LARGE1: variants seen among roughly 807,000 people sequenced by gnomAD.
LARGE1 encodes xylosyl- and glucuronyltransferase LARGE1.
A neutral mutation model predicts 87.6 loss-of-function variants in LARGE1; 43 were observed. The observed-to-expected ratio is 0.49, with a 90% CI of 0.38 to 0.63. LARGE1 has a LOEUF of 0.63. LARGE1 is among the 30% of genes least tolerant of loss of function. The pLI is 0.00. For missense variants in LARGE1, 802 were observed against 1,000.2 expected (o/e 0.80, Z 2.67); for synonymous variants, 434 against 394.6 (o/e 1.10, Z -1.18).
intron 1 of LARGE1, among the ~76,000 whole-genome samples, chr22:33,843,571 A>T (rs16993156): frequency 0.17 from 26,046 of 151,960 alleles, 2,917 homozygotes; most frequent in East Asian, 0.41. Context: ...AACCGCACTC[A>T]AACCCTCTAG....
chr22:33,451,468 A>G (rs949164967), intron 6 of LARGE1, among the ~76,000 whole-genome samples: 1 of 151,920 alleles, frequency 6.6e-6, no homozygotes, highest in African/African-American at 2.4e-5. Context: ...CCCGAGCAGT[A>G]GACACTGTAC....
chr22:33,699,681 A>C (rs879832636), intron 2 of LARGE1, among the ~76,000 whole-genome samples: 10 of 152,232 alleles, frequency 6.6e-5, no homozygotes, highest in Non-Finnish European at 1.0e-4. Flanking sequence ...GCATAGCAAT[A>C]AAATATGACA....
intron 11 of LARGE1, among the ~76,000 whole-genome samples, chr22:33,184,366 A>G (rs1023795476): frequency 3.3e-5 from 5 of 151,116 alleles, no homozygotes; most frequent in Non-Finnish European, 1.5e-5. Flanking sequence ...AAGAAATCAC[A>G]AGAGAATAAA....
At chr22:33,702,164 C>T (rs527593781) in intron 2 of LARGE1, among the ~76,000 whole-genome samples, 6 of 152,294 alleles carry the variant, frequency 3.9e-5, no homozygotes, top group Admixed American at 6.5e-5. Flanking sequence ...ACATAATAAC[C>T]GCTTAATAAA....
intron 2 of LARGE1, among the ~76,000 whole-genome samples, chr22:33,701,880 G>A (rs906935322): frequency 6.6e-6 from 1 of 152,194 alleles, no homozygotes; most frequent in Non-Finnish European, 1.5e-5. Context: ...AAAGGGGAGG[G>A]CACAATGAAG....
chr22:33,746,247 A>G (rs7286692), intron 2 of LARGE1, among the ~76,000 whole-genome samples: 6,473 of 152,300 alleles, frequency 0.043, 390 homozygotes, highest in African/African-American at 0.14. Flanking sequence ...GTCTCAAAAC[A>G]AAATAAGAAT....
At chr22:33,193,396 A>T (rs1159186745) in intron 11 of LARGE1, among the ~76,000 whole-genome samples, 1 of 152,232 alleles carries the variant, frequency 6.6e-6, no homozygotes, top group African/African-American at 2.4e-5. Flanking sequence ...AAATAGGAAC[A>T]TCACAGCAAA....
intron 6 of LARGE1, among the ~76,000 whole-genome samples, chr22:33,456,164 C>G (rs1319509574): frequency 2.0e-5 from 3 of 152,214 alleles, no homozygotes; most frequent in Non-Finnish European, 4.4e-5. Flanking sequence ...TGGACCTCCA[C>G]TCTTGCAAAA....
intron 5 of LARGE1, among the ~76,000 whole-genome samples, chr22:33,598,193 C>T (rs566839130): frequency 1.3e-5 from 2 of 152,250 alleles, no homozygotes; most frequent in South Asian, 2.1e-4. Context: ...TGGAGTCAGA[C>T]AGTTCTGGAT....
chr22:33,452,377 A>AT (rs1404932867), intron 6 of LARGE1, among the ~76,000 whole-genome samples: 1 of 152,156 alleles, frequency 6.6e-6, no homozygotes, highest in Non-Finnish European at 1.5e-5. Flanking sequence ...GAGAAAGGCC[A>AT]TTTCCCCTGC....
intron 6 of LARGE1, among the ~76,000 whole-genome samples, chr22:33,545,482 C>T (rs949624509): frequency 1.3e-5 from 2 of 151,532 alleles, no homozygotes; most frequent in Non-Finnish European, 2.9e-5. Context: ...CGCTCTGTTG[C>T]CCAGGCTGGA....
At chr22:33,132,850 A>G in the LARGE1 span, among the ~76,000 whole-genome samples, 2 of 152,232 alleles carry the variant, frequency 1.3e-5, no homozygotes, top group African/African-American at 4.8e-5. Context: ...TGCATGTAAC[A>G]TACACTTTTA....
intron 11 of LARGE1, among the ~76,000 whole-genome samples, chr22:33,196,861 A>G (rs1924110618): frequency 6.6e-6 from 1 of 152,158 alleles, no homozygotes; most frequent in Admixed American, 6.5e-5. Flanking sequence ...ATGGCTTTAC[A>G]CTCAAAAGTC....
intron 1 of LARGE1, among the ~76,000 whole-genome samples, chr22:33,871,278 A>G (rs1229319519): frequency 6.6e-6 from 1 of 152,236 alleles, no homozygotes; most frequent in African/African-American, 2.4e-5. Context: ...GGGTGTCTAG[A>G]GTACAAAGCA....
intron 6 of LARGE1, among the ~76,000 whole-genome samples, chr22:33,453,434 T>C (rs565645244): frequency 6.6e-6 from 1 of 151,682 alleles, no homozygotes. Context: ...AAAAAAGTTG[T>C]TGCTTCACTC....
At chr22:33,789,916 C>T (rs1168330081) in intron 1 of LARGE1, among the ~76,000 whole-genome samples, 1 of 152,040 alleles carries the variant, frequency 6.6e-6, no homozygotes, top group African/African-American at 2.4e-5. Flanking sequence ...GGACTGTGGA[C>T]TTTTGAGTTA....
intron 2 of LARGE1, among the ~76,000 whole-genome samples, chr22:33,690,619 C>T (rs999892769): frequency 1.1e-4 from 16 of 151,394 alleles, no homozygotes; most frequent in African/African-American, 3.9e-4. Flanking sequence ...AGGACCTTTC[C>T]TTGTAGGGTG....
chr22:33,073,583 C>T, the LARGE1 span, among the ~76,000 whole-genome samples: 4 of 152,146 alleles, frequency 2.6e-5, no homozygotes, highest in African/African-American at 9.7e-5. Context: ...AAGTCTCCTC[C>T]ACTCTCTCTA....
intron 1 of LARGE1, among the ~76,000 whole-genome samples, chr22:33,766,945 T>TAC (rs2084925056): frequency 2.2e-4 from 8 of 35,646 alleles, no homozygotes; most frequent in Non-Finnish European, 4.9e-4. Flanking sequence ...TATATATATA[T>TAC]ATATATATAT....
Sources: gnomAD v4.1 joint callset for allele counts (sites outside exome capture counted in the v4.1 genomes callset) on GRCh38, gnomAD v4.1.1 for gene constraint, MANE v1.5 for transcripts, NCBI Gene and HGNC (gene_info 2026-07-23, HGNC 2026-07-21) for gene names.